The following PSMD5 variants were observed in gnomAD, a reference collection of about 807,000 sequenced individuals.
PSMD5 encodes the protein proteasome 26S subunit, non-ATPase 5.
In PSMD5, 40 loss-of-function variants were observed where a neutral mutation model predicts 52.1. The ratio of observed to expected loss-of-function variants is 0.77; its 90% CI spans 0.60 to 1.00. The LOEUF is 1.00. Ranked by LOEUF, PSMD5 falls within the 50% of genes least tolerant of loss-of-function variation. The probability of loss-of-function intolerance (pLI) is 0.00; values close to 1 mark genes in which losing one functional copy is unlikely to be tolerated. For missense variants in PSMD5, 575 were observed against 605.2 expected (o/e 0.95, Z 0.52); for synonymous variants, 211 against 226.6 (o/e 0.93, Z 0.62).
At chr9:120,821,097 C>A in intron 8 of PSMD5, 118 bp from the exon 9 acceptor site, 2 of 1,191,480 alleles carry the variant, frequency 1.7e-6, no homozygotes, top group Non-Finnish European at 2.3e-6. Context: ...TTGTGTGAAA[C>A]TGGCTAAGTC....
intron 1 of PSMD5, among the ~76,000 whole-genome samples, chr9:120,834,896 G>C (rs1465112830): frequency 1.3e-5 from 2 of 152,216 alleles, no homozygotes; most frequent in African/African-American, 4.8e-5. Context: ...GAAGAACTAT[G>C]TAAGAGAAAC....
intron 4 of PSMD5, among the ~76,000 whole-genome samples, chr9:120,830,409 C>T (rs1359988049): frequency 1.3e-5 from 2 of 152,172 alleles, no homozygotes; most frequent in Admixed American, 1.3e-4. Context: ...GAGGCATCAT[C>T]ACTGATGGGA....
Position 120,824,834 on chromosome 9 carries a change from A to G in PSMD5, c.815-149T>C, listed in dbSNP as rs550151266. The G allele has an allele frequency of 2.0e-4, 128 of 634,658 alleles. 2 individuals are homozygous for G. The highest frequency in any genetic ancestry group is 1.3e-3 in the South Asian group (52 of 41,184). 39.3% of individuals were successfully genotyped at this position (634,658 alleles called of 1,614,324 possible). The stretch of plus-strand genomic sequence containing the variant: ...GTGTTGCCTGGAGATCAGAGAGACC[A>G]TTAGGAGATTCTGAAGGACCTGTGA... On this transcript the variant is annotated intron_variant, in intron 6 of 9. Coordinates refer to ENST00000210313, the MANE Select transcript of PSMD5 (RefSeq NM_005047.4).
chr9:120,840,126 CA>C (rs748840129), intron 1 of PSMD5, among the ~76,000 whole-genome samples: 484 of 39,144 alleles, frequency 0.012, 1 homozygote, highest in Admixed American at 0.013. Context: ...GAACCCGTCT[CA>C]AAAAAAAAAA....
intron 9 of PSMD5, among the ~76,000 whole-genome samples, chr9:120,819,041 T>C (rs888579639): frequency 2.8e-4 from 43 of 152,170 alleles, no homozygotes; most frequent in African/African-American, 1.0e-3. Context: ...ATACAAAAAC[T>C]AAAAGGAAAT....
intron 4 of PSMD5, among the ~76,000 whole-genome samples, chr9:120,830,379 A>G (rs1358720623): frequency 1.3e-5 from 2 of 152,232 alleles, no homozygotes; most frequent in African/African-American, 4.8e-5. Flanking sequence ...GAAAGGTCTC[A>G]GTTGGAAGTT....
Position 120,824,647 on chromosome 9 carries a change from T to A in PSMD5, c.853A>T (p.Ser285Cys), listed in dbSNP as rs1263277850. Residue 285 changes from serine to cysteine, a missense_variant, in exon 7 of 10, where the codon AGT (serine) becomes TGT (cysteine). By Grantham distance (112) the Ser-to-Cys change is moderately radical. Transcript: ENST00000210313. ...KFFGNLAVMD[S>C]PQQICERYPI... is the part of the protein sequence containing the mutation. ...TAACGCTCACAGATCTGTTGAGGAC[T>A]ATCCATGACAGCCAGGTTTCCAAAA... The A allele has an allele frequency of 6.2e-7, 1 of 1,600,990 alleles. No homozygotes were observed. The highest frequency in any genetic ancestry group is 8.5e-7 in the Non-Finnish European group (1 of 1,176,206).
intron 1 of PSMD5, among the ~76,000 whole-genome samples, chr9:120,840,053 G>T (rs2045223717): frequency 6.6e-6 from 1 of 150,394 alleles, no homozygotes; most frequent in Admixed American, 6.6e-5. Context: ...GCTTCAACCT[G>T]GGAGGCGAGG....
Position 120,817,844 on chromosome 9 carries a change from G to T in PSMD5, c.*62C>A. The T allele has an allele frequency of 6.7e-7, 1 of 1,503,574 alleles. No homozygotes were observed. Among genetic ancestry groups the T allele is most frequent in the Non-Finnish European group, 9.0e-7 (1 of 1,110,212 alleles). The allele number at this position is 1,503,574 out of a possible 1,614,324, so 93.1% of individuals were successfully genotyped here. A position where few individuals can be genotyped will look rare whatever the true frequency, so the allele number is the denominator to read the frequency against. The stretch of plus-strand genomic sequence containing the variant: ...GTCTCTTTTGTGAAATATAGATGGA[G>T]TCAAATGCCTTAGGAGAAGTTTTGG... On this transcript the variant is annotated 3_prime_UTR_variant, in exon 10 of 10. Transcript: ENST00000210313.
At chr9:120,820,805 G>T in intron 9 of PSMD5, 34 bp downstream of exon 9, 13 of 1,519,560 alleles carry the variant, frequency 8.6e-6, no homozygotes, top group Non-Finnish European at 1.1e-5. Context: ...GAGCTGGCAG[G>T]GTCCCAGAAG....
chr9:120,842,509 G>A (rs1310790046), intron 1 of PSMD5: 4 of 585,982 alleles, frequency 6.8e-6, no homozygotes, highest in East Asian at 2.9e-5. Flanking sequence ...TCACTGCTCA[G>A]AGGCAGCGAG....
chr9:120,828,303 A>G (rs1030433126), intron 5 of PSMD5, among the ~76,000 whole-genome samples: 3 of 148,034 alleles, frequency 2.0e-5, no homozygotes, highest in African/African-American at 7.7e-5. Context: ...ACCTGGCACA[A>G]TATCTTTTTT....
chr9:120,831,220 C>T (rs1049338861), intron 4 of PSMD5, 111 bp downstream of exon 4: 1 of 1,167,448 alleles, frequency 8.6e-7, no homozygotes. Context: ...TTCCCAGCAC[C>T]TACTGTAGGG....
chr9:120,817,828 G>C lies in PSMD5; in HGVS notation c.*78C>G. On this transcript the variant is annotated 3_prime_UTR_variant, in exon 10 of 10. Coordinates refer to ENST00000210313, the MANE Select transcript of PSMD5 (RefSeq NM_005047.4). ...TTCTTGGGGAAAGGAAGTCTCTTTTGTGAAATATAGATGGAGTCAAATGCC... is the reference window on the plus strand; with the variant it reads ...TTCTTGGGGAAAGGAAGTCTCTTTTCTGAAATATAGATGGAGTCAAATGCC... 7.0e-7 allele frequency: 1 copy of C among 1,428,516 alleles called. No homozygotes were observed. The highest frequency in any genetic ancestry group is 1.4e-5 in the South Asian group (1 of 72,578). 88.5% of individuals were successfully genotyped at this position (1,428,516 alleles called of 1,614,324 possible). A position where few individuals can be genotyped will look rare whatever the true frequency, so the allele number is the denominator to read the frequency against.
At chr9:120,835,639 G>C (rs1442474189) in intron 1 of PSMD5, among the ~76,000 whole-genome samples, 3 of 152,032 alleles carry the variant, frequency 2.0e-5, no homozygotes, top group African/African-American at 7.3e-5. Flanking sequence ...TGAGGCAGGA[G>C]AATCGCTTGA....
intron 1 of PSMD5, among the ~76,000 whole-genome samples, chr9:120,836,185 T>A (rs915641722): frequency 2.6e-5 from 4 of 152,234 alleles, no homozygotes; most frequent in Non-Finnish European, 4.4e-5. Context: ...TGAGGCAAGA[T>A]GTACAATATC....
intron 1 of PSMD5, among the ~76,000 whole-genome samples, chr9:120,837,874 G>C (rs1039376187): frequency 6.6e-6 from 1 of 152,150 alleles, no homozygotes; most frequent in Non-Finnish European, 1.5e-5. Context: ...TCACCAACAG[G>C]GGAATGGATA....
At chr9:120,835,531 A>C (rs2045191783) in intron 1 of PSMD5, among the ~76,000 whole-genome samples, 1 of 151,962 alleles carries the variant, frequency 6.6e-6, no homozygotes, top group Non-Finnish European at 1.5e-5. Flanking sequence ...TCAAGACCAG[A>C]CTGGCCAACA....
intron 2 of PSMD5, among the ~76,000 whole-genome samples, chr9:120,832,820 G>A (rs2045170636): frequency 6.6e-6 from 1 of 150,850 alleles, no homozygotes; most frequent in African/African-American, 2.4e-5. Context: ...AAATAGCAAG[G>A]ATGCTTTGGT....
Sources: allele counts gnomAD v4.1 joint callset (sites outside exome capture counted in the v4.1 genomes callset), GRCh38; gene constraint gnomAD v4.1.1; transcripts MANE v1.5; gene names NCBI Gene and HGNC (gene_info 2026-07-23, HGNC 2026-07-21).